NPC1: variants seen among roughly 807,000 people sequenced by gnomAD.
NPC1 encodes NPC intracellular cholesterol transporter 1.
In NPC1, 85 loss-of-function variants were observed where a neutral mutation model predicts 140.4. The ratio of observed to expected loss-of-function variants is 0.61; its 90% CI spans 0.51 to 0.72. NPC1 has a LOEUF of 0.72. Ranked by LOEUF, NPC1 falls within the 30% of genes least tolerant of loss-of-function variation. NPC1 has a pLI of 0.00. For synonymous variants in NPC1, 656 were observed against 624.8 expected, an observed-to-expected ratio of 1.05 and a Z score of -0.74; for missense variants, 1,504 against 1,623.8, an observed-to-expected ratio of 0.93 and a Z score of 1.27.
Position 23,561,536 on chromosome 18 carries a change from G to A in NPC1, c.464-9C>T, listed in dbSNP as rs746194096. ...GCAGGCATTGTACATTGCTAGAAGAGGAAACCCAAAGGAAAAAGGAGACAA... is the reference window on the plus strand; with the variant it reads ...GCAGGCATTGTACATTGCTAGAAGAAGAAACCCAAAGGAAAAAGGAGACAA... On this transcript the variant is annotated splice_polypyrimidine_tract_variant and intron_variant, in intron 4 of 24. Coordinates refer to ENST00000269228, the MANE Select transcript of NPC1 (RefSeq NM_000271.5). 3 of 1,613,682 alleles carry A rather than the reference G, an allele frequency of 1.9e-6. No homozygotes were observed. In the African/African-American group the frequency reaches 4.0e-5, roughly 22 times the overall value.
intron 1 of NPC1, among the ~76,000 whole-genome samples, chr18:23,578,105 C>T (rs892629318): frequency 1.2e-4 from 19 of 152,214 alleles, no homozygotes; most frequent in Non-Finnish European, 2.6e-4. Context: ...CTGAAGGGCT[C>T]CTCAAATGCC....
At chr18:23,526,624 T>C (rs770445212), downstream of NPC1, 9 of 1,613,124 alleles carry the variant, frequency 5.6e-6, no homozygotes, top group Non-Finnish European at 6.8e-6. Context: ...ATTTGCTGCC[T>C]CTTAAAATCC....
downstream of NPC1, among the ~76,000 whole-genome samples, chr18:23,527,359 T>C (rs950810984): frequency 7.3e-5 from 11 of 151,654 alleles, no homozygotes; most frequent in African/African-American, 1.7e-4. Flanking sequence ...TTTGTGTCAG[T>C]GTACCTCCAG....
intron 1 of NPC1, among the ~76,000 whole-genome samples, chr18:23,581,361 T>G (rs777921342): frequency 6.6e-5 from 10 of 152,188 alleles, no homozygotes; most frequent in African/African-American, 1.2e-4. Context: ...GAACACCCAT[T>G]CAATTAAGCT....
chr18:23,527,817 A>G (rs377501129), downstream of NPC1: 26 of 1,614,010 alleles, frequency 1.6e-5, no homozygotes, highest in African/African-American at 3.1e-4. Context: ...CAGACAGAGC[A>G]TCGCTGCCCG....
chr18:23,523,332 A>C (rs2058194329), intron 1 of NPC1, among the ~76,000 whole-genome samples: 1 of 152,058 alleles, frequency 6.6e-6, no homozygotes, highest in Admixed American at 6.6e-5. Flanking sequence ...GGTCCCTGTC[A>C]TGTGAGGTTT....
chr18:23,530,952 G>C (rs2058480807), downstream of NPC1, among the ~76,000 whole-genome samples: 1 of 152,100 alleles, frequency 6.6e-6, no homozygotes, highest in Non-Finnish European at 1.5e-5. Flanking sequence ...AAGGGTCTGG[G>C]GCTTATTAAG....
chr18:23,518,795 T>C, downstream of NPC1: 2 of 1,101,672 alleles, frequency 1.8e-6, no homozygotes, highest in Non-Finnish European at 2.7e-6. Flanking sequence ...CTCCATTAAG[T>C]GAATATCTTA....
chr18:23,569,058 G>A lies in NPC1; in HGVS notation c.288-60C>T, dbSNP rs759863567. 2.6e-5 allele frequency: 30 copies of A among 1,150,654 alleles called. No individual in the cohort carries two copies. The East Asian group carries it at 2.9e-4, about 11-fold the overall frequency. 71.3% of individuals were successfully genotyped at this position (1,150,654 alleles called of 1,614,324 possible). On this transcript the variant is annotated intron_variant, in intron 3 of 24. Coordinates refer to ENST00000269228, the MANE Select transcript of NPC1 (RefSeq NM_000271.5). Reference sequence around the variant, plus strand: ...CACACATAATAGGGCCAGCAAGAACGATTTTAAATAGACAAAGAATATTTT... The same window carrying A: ...CACACATAATAGGGCCAGCAAGAACAATTTTAAATAGACAAAGAATATTTT...
At chr18:23,586,130 A>C (rs2145602993) in intron 1 of NPC1, among the ~76,000 whole-genome samples, 157 bp downstream of exon 1, 1 of 152,276 alleles carries the variant, frequency 6.6e-6, no homozygotes, top group East Asian at 1.9e-4. Flanking sequence ...GCGTGGCCGG[A>C]GACAGAAACA....
chr18:23,536,689 G>A lies in NPC1; in HGVS notation c.3229C>T (p.Arg1077Ter), dbSNP rs750095738. ...ETMGINGSAY[R>*]VFPYSVFYVF... ...AGGCTTTACCTGTAAGGAAATACTC[G>A]GTAGGCACTGCCGTTAATGCCCATG... The change falls in exon 21 of 25, where the codon CGA becomes TGA. Residue 1077 changes from arginine (R) to a stop codon, truncating the protein, a stop_gained. Transcript: ENST00000269228. LOFTEE classifies it high-confidence loss of function. 2 of 1,613,968 alleles carry A rather than the reference G, an allele frequency of 1.2e-6. No homozygotes were observed. Among genetic ancestry groups the A allele is most frequent in the Admixed American group, 1.7e-5 (1 of 60,008 alleles).
At chr18:23,550,482 T>TTTTTTTTTTTTC (rs1567960440) in intron 10 of NPC1, among the ~76,000 whole-genome samples, 4 of 96,612 alleles carry the variant, frequency 4.1e-5, no homozygotes, top group Non-Finnish European at 7.9e-5. Flanking sequence ...TACATTTCTT[T>TTTTTTTTTTTTC]TTTTTTTTTT....
chr18:23,545,224 C>G, intron 11 of NPC1, 75 bp from the exon 12 acceptor site: 1 of 1,133,780 alleles, frequency 8.8e-7, no homozygotes, highest in Middle Eastern at 2.6e-4. Context: ...CCCTAACTTT[C>G]ACGATACAAA....
intron 1 of NPC1, among the ~76,000 whole-genome samples, chr18:23,523,774 C>T (rs2145237105): frequency 6.6e-6 from 1 of 152,204 alleles, no homozygotes; most frequent in East Asian, 1.9e-4. Context: ...GAAACATTCT[C>T]CGTGGATGAT....
chr18:23,519,265 CCCAG>C, downstream of NPC1: 1 of 1,178,162 alleles, frequency 8.5e-7, no homozygotes, highest in Non-Finnish European at 1.2e-6. Flanking sequence ...CGCCTGTAAT[CCCAG>C]CACTTTGGGA....
At chr18:23,555,057 T>C in intron 8 of NPC1, 73 bp from the exon 9 acceptor site, 1 of 967,258 alleles carries the variant, frequency 1.0e-6, no homozygotes, top group Admixed American at 1.9e-5. Flanking sequence ...TTAATCAGCA[T>C]TGCCCTGAGG....
At position 23,556,381 on chromosome 18, in the gene NPC1, G is replaced by T. The variant is rs778856732; in HGVS notation, c.1188C>A (p.Asp396Glu). Residue 396 changes from aspartate to glutamate, a missense_variant, in exon 8 of 25, where the codon GAC (aspartate) becomes GAA (glutamate). Physicochemically the swap from Asp to Glu is conservative, Grantham distance 45. Coordinates refer to ENST00000269228, the MANE Select transcript of NPC1 (RefSeq NM_000271.5). Reference protein sequence around the residue: ...SQARLEKEYFDQHFGPFFRTE... With the variant: ...SQARLEKEYFEQHFGPFFRTE... ...TCCGGAAGAAAGGCCCAAAGTGCTG[G>T]TCAAAGTACTCTTTTTCCAGGCGAG... 21 of 1,614,042 alleles carry T rather than the reference G, an allele frequency of 1.3e-5. No individual in the cohort carries two copies. The South Asian group carries it at 2.1e-4, about 16-fold the overall frequency.
chr18:23,535,279 T>C (rs1230236778), intron 22 of NPC1, among the ~76,000 whole-genome samples, 190 bp downstream of exon 22: 1 of 152,102 alleles, frequency 6.6e-6, no homozygotes, highest in Non-Finnish European at 1.5e-5. Context: ...CAATGCTCGC[T>C]CCCTCTATGC....
chr18:23,517,605 T>C (rs1287738877), downstream of NPC1, among the ~76,000 whole-genome samples: 1 of 152,238 alleles, frequency 6.6e-6, no homozygotes. Context: ...TTACTTCTGA[T>C]TCTTCTGTGG....
Sources: gnomAD v4.1 joint callset for allele counts (sites outside exome capture counted in the v4.1 genomes callset) on GRCh38, gnomAD v4.1.1 for gene constraint, MANE v1.5 for transcripts, NCBI Gene and HGNC (gene_info 2026-07-23, HGNC 2026-07-21) for gene names.